Variants in KDM4A observed in about 807,000 individuals in gnomAD.
The protein encoded by KDM4A is lysine demethylase 4A, also known as lysine-specific demethylase 4A.
In KDM4A, 23 loss-of-function variants were observed where a neutral mutation model predicts 127.1. The observed-to-expected ratio is 0.18, with a 90% CI of 0.13 to 0.26. The LOEUF (loss-of-function observed/expected upper bound fraction) is 0.26, where lower values mean the gene tolerates loss of function less well. KDM4A is among the 10% of genes least tolerant of loss of function. The pLI is 1.00. For missense variants in KDM4A, 890 were observed against 1,329.1 expected (o/e 0.67, Z 5.14); for synonymous variants, 443 against 466.5 (o/e 0.95, Z 0.65).
chr1:43,658,495 TAGTC>T (rs1220534220), intron 3 of KDM4A, among the ~76,000 whole-genome samples: 1 of 147,882 alleles, frequency 6.8e-6, no homozygotes, highest in African/African-American at 2.6e-5. Context: ...GGCAGTTACT[TAGTC>T]AGATTTTTTT....
intron 10 of KDM4A, among the ~76,000 whole-genome samples, chr1:43,671,273 A>G (rs1660612074): frequency 6.6e-6 from 1 of 152,114 alleles, no homozygotes; most frequent in Non-Finnish European, 1.5e-5. Context: ...CAGGAGTCTT[A>G]TTTATGAGCC....
chr1:43,688,869 A>G lies in KDM4A; in HGVS notation c.1856-45A>G. 1 of 1,563,610 alleles carries G rather than the reference A, an allele frequency of 6.4e-7. No individual in the cohort carries two copies. Among genetic ancestry groups the G allele is most frequent in the Non-Finnish European group, 8.8e-7 (1 of 1,140,260 alleles). ...ATCTGTTCTCCAGGCAGAGCCACAG[A>G]TGTGCAGGGTTAGTGCTGACTCACA... On this transcript the variant is annotated intron_variant, in intron 12 of 21. Transcript: ENST00000372396. This position sits in a 1 kb window ranked among gnomAD's most constrained non-coding sequence, Gnocchi z 4.4.
At chr1:43,691,285 T>C (rs1309736496) in intron 14 of KDM4A, among the ~76,000 whole-genome samples, 11 of 152,160 alleles carry the variant, frequency 7.2e-5, no homozygotes, top group Non-Finnish European at 7.3e-5. Flanking sequence ...ACTTACTAGG[T>C]GTTTGTACCA....
chr1:43,663,114 G>A, intron 5 of KDM4A, 27 bp downstream of exon 5: 1 of 1,595,580 alleles, frequency 6.3e-7, no homozygotes, highest in Non-Finnish European at 8.6e-7. Context: ...GTCGGCACCG[G>A]GCTTCTATGC....
chr1:43,698,146 A>ATTCTTTCTGTTTG, intron 19 of KDM4A, 133 bp downstream of exon 19: 1 of 808,322 alleles, frequency 1.2e-6, no homozygotes, highest in Non-Finnish European at 1.9e-6. Context: ...CTCAAACAGA[A>ATTCTTTCTGTTTG]AGAATCATCT....
intron 2 of KDM4A, among the ~76,000 whole-genome samples, chr1:43,654,308 C>T (rs1363977256): frequency 1.3e-5 from 2 of 152,240 alleles, no homozygotes; most frequent in Admixed American, 6.5e-5. Flanking sequence ...TTCTCCAGTG[C>T]CGTCTCCTTA....
intron 19 of KDM4A, among the ~76,000 whole-genome samples, chr1:43,698,420 A>G (rs1368499619): frequency 6.6e-6 from 1 of 152,176 alleles, no homozygotes; most frequent in African/African-American, 2.4e-5. Context: ...TAGTAGATGT[A>G]TAGAATCTGC....
intron 16 of KDM4A, among the ~76,000 whole-genome samples, chr1:43,692,836 C>T (rs940934705): frequency 6.6e-6 from 1 of 152,170 alleles, no homozygotes; most frequent in African/African-American, 2.4e-5. Context: ...TGTTGGGCAG[C>T]TCGTTTTCAT....
intron 4 of KDM4A, 64 bp downstream of exon 4, chr1:43,660,476 C>CCGGCA: frequency 6.5e-7 from 1 of 1,535,466 alleles, no homozygotes; most frequent in South Asian, 1.2e-5. Context: ...TTTTTTCGGC[C>CCGGCA]CGGCACGTAG....
intron 10 of KDM4A, 133 bp from the exon 11 acceptor site, chr1:43,671,372 T>G (rs1660613776): frequency 3.2e-6 from 3 of 924,208 alleles, no homozygotes; most frequent in African/African-American, 3.4e-5. Flanking sequence ...ACAGTGCCCC[T>G]CAGTGACAGA....
intron 8 of KDM4A, 116 bp downstream of exon 8, chr1:43,667,207 AGC>A: frequency 8.7e-7 from 1 of 1,149,152 alleles, no homozygotes; most frequent in Non-Finnish European, 1.3e-6. Flanking sequence ...AGAAACAAGC[AGC>A]TAGCAATGTG....
intron 3 of KDM4A, among the ~76,000 whole-genome samples, 192 bp downstream of exon 3, chr1:43,655,958 G>C (rs1660227400): frequency 6.6e-6 from 1 of 152,136 alleles, no homozygotes; most frequent in Non-Finnish European, 1.5e-5. Flanking sequence ...GTCTAAACCT[G>C]TTCCTGTTCT....
intron 11 of KDM4A, among the ~76,000 whole-genome samples, chr1:43,675,173 C>T (rs1660713351): frequency 6.6e-6 from 1 of 152,254 alleles, no homozygotes; most frequent in East Asian, 1.9e-4. Flanking sequence ...CATCCCTCCA[C>T]CTCCAACATG....
intron 1 of KDM4A, chr1:43,650,533 G>C (rs560590723): frequency 2.6e-5 from 4 of 152,348 alleles, no homozygotes; most frequent in Non-Finnish European, 4.4e-5. Flanking sequence ...GGCCGGGAGG[G>C]GCCGAACCTG....
At chr1:43,674,627 G>T (rs1450701543) in intron 11 of KDM4A, among the ~76,000 whole-genome samples, 2 of 151,168 alleles carry the variant, frequency 1.3e-5, no homozygotes. Flanking sequence ...AGTGATTCTC[G>T]TGCCCCAGCC....
intron 2 of KDM4A, 133 bp downstream of exon 2, chr1:43,653,446 T>C (rs1431500032): frequency 5.2e-6 from 4 of 771,420 alleles, no homozygotes; most frequent in African/African-American, 3.6e-5. Flanking sequence ...TGCGGTTCTA[T>C]TTGCAAGTTA....
At position 43,650,239 on chromosome 1, in the gene KDM4A, G is replaced by A. The variant is rs1280801721; in HGVS notation, c.-53G>A. 6.6e-6 allele frequency: 1 copy of A among 152,052 alleles called. No homozygotes were observed. Among genetic ancestry groups the A allele is most frequent in the East Asian group, 1.9e-4 (1 of 5,178 alleles). The allele number at this position is 152,052 out of a possible 1,614,324, so 9.4% of individuals were successfully genotyped here. On this transcript the variant is annotated 5_prime_UTR_variant, in exon 1 of 22. Coordinates refer to ENST00000372396, the MANE Select transcript of KDM4A (RefSeq NM_014663.3). ...GGAGCTGAGCCTAAGCCCTGGCGGG[G>A]CTTTGGGCTGTAGGTGAGAACTATA...
At chr1:43,652,830 C>T (rs867521931) in intron 1 of KDM4A, among the ~76,000 whole-genome samples, 2 of 151,430 alleles carry the variant, frequency 1.3e-5, no homozygotes, top group South Asian at 4.2e-4. Flanking sequence ...TTGCAGGTGC[C>T]CGCCACCATG....
rs1660177579 is a variant in KDM4A, at chr1:43,654,052, G to A, written c.138+739G>A. 2.0e-5 allele frequency among the ~76,000 whole-genome samples: 3 copies of A among 152,202 alleles called. 1 individual carries two copies. The South Asian group carries it at 6.2e-4, about 32-fold the overall frequency. ...CAAGAACATTGGCTACAAAGCTGAG[G>A]ACCAGTCTTGGACCCTGGTGCCTCC... On this transcript the variant is annotated intron_variant, in intron 2 of 21. Transcript: ENST00000372396.
Sources: gnomAD v4.1 joint callset for allele counts (sites outside exome capture counted in the v4.1 genomes callset) on GRCh38, gnomAD v4.1.1 for gene constraint, Gnocchi (gnomAD v3.1) non-coding constraint, MANE v1.5 for transcripts, NCBI Gene and HGNC (gene_info 2026-07-23, HGNC 2026-07-21) for gene names.